The following PHF10 variants were observed in gnomAD, a reference collection of about 807,000 sequenced individuals.
PHF10 encodes BRG1-associated factor 45a.
PHF10 carries 51 observed loss-of-function variants against 68.5 expected under a neutral mutation model. That is an observed-to-expected ratio of 0.74 (90% CI 0.59 to 0.94). The LOEUF is 0.94. Ranked by LOEUF, PHF10 falls within the 40% of genes least tolerant of loss-of-function variation. The pLI is 0.00. For missense variants in PHF10, 460 were observed against 602.6 expected, an observed-to-expected ratio of 0.76 and a Z score of 2.48; for synonymous variants, 204 against 203.5, an observed-to-expected ratio of 1.00 and a Z score of -0.02.
chr6:169,712,437 A>G lies in PHF10; in HGVS notation c.906T>C (p.Asp302=). Residue 302 remains aspartate (D), a synonymous_variant, in exon 8 of 12, where the codon GAT becomes GAC. Coordinates refer to ENST00000339209, the MANE Select transcript of PHF10 (RefSeq NM_018288.4). ...LPALDSDGDS[D]DGEDGRGDEK... ...CATCACCTCGACCATCTTCGCCATCATCTGAATCACCATCACTGTCTAGAG... is the reference window on the plus strand; with the variant it reads ...CATCACCTCGACCATCTTCGCCATCGTCTGAATCACCATCACTGTCTAGAG... The G allele has an allele frequency of 6.2e-7, 1 of 1,614,052 alleles. No homozygotes were observed. The highest frequency in any genetic ancestry group is 8.5e-7 in the Non-Finnish European group (1 of 1,179,940).
rs1362658379 is a variant in PHF10, at chr6:169,712,640, CGA to C, written c.804-103_804-102del. 7.8e-4 allele frequency: 765 copies of C among 979,398 alleles called. 6 individuals are homozygous for C. The highest frequency in any genetic ancestry group is 5.8e-5 in the Non-Finnish European group (39 of 677,566). The allele number at this position is 979,398 out of a possible 1,614,324, so 60.7% of individuals were successfully genotyped here. On this transcript the variant is annotated intron_variant, in intron 7 of 11. Coordinates refer to ENST00000339209, the MANE Select transcript of PHF10 (RefSeq NM_018288.4). ...TAGCCTTAAACTTCTTGAGTAACCCCGAAGACTTTTGAAAACTAGAGTACTAA... is the reference window on the plus strand; with the variant it reads ...TAGCCTTAAACTTCTTGAGTAACCCCAGACTTTTGAAAACTAGAGTACTAA...
In PHF10 at chr6:169,710,140, G is replaced by A. The variant is rs976060892; in HGVS notation, c.1113+96C>T. On this transcript the variant is annotated intron_variant, in intron 9 of 11. Transcript: ENST00000339209. ...ATAGAAGAACAGCTAGTGAGGTACA[G>A]CAGGCAGAAGCTCCACAATCGTGAA... 7 of 874,414 alleles carry A rather than the reference G, an allele frequency of 8.0e-6. No individual in the cohort carries two copies. In the African/African-American group the frequency reaches 8.6e-5, roughly 11 times the overall value. 54.2% of individuals were successfully genotyped at this position (874,414 alleles called of 1,614,324 possible).
At chr6:169,717,719 T>G in intron 4 of PHF10, 104 bp downstream of exon 4, 2 of 607,726 alleles carry the variant, frequency 3.3e-6, no homozygotes, top group South Asian at 4.3e-5. Context: ...ATAGTTCAAT[T>G]TATTTTATTA....
At position 169,703,980 on chromosome 6, in the gene PHF10, C is replaced by T. The variant is rs572743188; in HGVS notation, c.*23G>A. 6.6e-6 allele frequency: 10 copies of T among 1,522,986 alleles called. No individual in the cohort carries two copies. In the Admixed American group the frequency reaches 8.0e-5, roughly 12 times the overall value. 94.3% of individuals were successfully genotyped at this position (1,522,986 alleles called of 1,614,324 possible). A position where few individuals can be genotyped will look rare whatever the true frequency, so the allele number is the denominator to read the frequency against. On this transcript the variant is annotated 3_prime_UTR_variant, in exon 12 of 12. Transcript: ENST00000339209. Reference sequence around the variant, plus strand: ...CAAATATTCCACTTAAATGCATATACAGTATTAGAGTCAAAAACTATTTTA... The same window carrying T: ...CAAATATTCCACTTAAATGCATATATAGTATTAGAGTCAAAAACTATTTTA...
At chr6:169,712,619 C>T (rs967581832) in intron 7 of PHF10, 80 bp from the exon 8 acceptor site, 6 of 1,224,974 alleles carry the variant, frequency 4.9e-6, no homozygotes, top group Non-Finnish European at 6.8e-6. Flanking sequence ...TGAAGATAGC[C>T]TTAAACTTCT....
intron 9 of PHF10, chr6:169,708,820 G>C (rs1226992990): frequency 6.6e-6 from 1 of 152,164 alleles, no homozygotes; most frequent in Non-Finnish European, 1.5e-5. Flanking sequence ...AGGACACTGT[G>C]CTTTGAGCGG....
intron 9 of PHF10, among the ~76,000 whole-genome samples, chr6:169,706,595 G>C (rs183772112): frequency 6.6e-6 from 1 of 152,078 alleles, no homozygotes; most frequent in Admixed American, 6.5e-5. Context: ...GAGGGCATCC[G>C]AACGTCACGG....
At chr6:169,713,456 T>C (rs1788971771) in intron 7 of PHF10, among the ~76,000 whole-genome samples, 1 of 151,890 alleles carries the variant, frequency 6.6e-6, no homozygotes, top group African/African-American at 2.4e-5. Context: ...GAAAATTAGC[T>C]GGGCAAGGTG....
At chr6:169,723,152 T>A (rs1265060176) in intron 1 of PHF10, among the ~76,000 whole-genome samples, 1 of 152,210 alleles carries the variant, frequency 6.6e-6, no homozygotes, top group African/African-American at 2.4e-5. Flanking sequence ...CACCGCCTTC[T>A]AATTTCAATC....
At chr6:169,723,688 G>A (rs1312632139) in intron 1 of PHF10, among the ~76,000 whole-genome samples, 157 bp downstream of exon 1, 1 of 151,504 alleles carries the variant, frequency 6.6e-6, no homozygotes, top group East Asian at 2.0e-4. Context: ...CTCACCTCGG[G>A]GCCCCGCCTC....
At chr6:169,711,906 T>G (rs1360374679) in intron 8 of PHF10, among the ~76,000 whole-genome samples, 1 of 152,136 alleles carries the variant, frequency 6.6e-6, no homozygotes, top group Non-Finnish European at 1.5e-5. Context: ...ATACACCAAC[T>G]GCCCACTGTC....
chr6:169,717,231 A>G (rs1390924576), intron 4 of PHF10, among the ~76,000 whole-genome samples: 2 of 152,208 alleles, frequency 1.3e-5, no homozygotes, highest in African/African-American at 4.8e-5. Context: ...CCTGGACAAC[A>G]GAGAGAGACT....
rs566759957 is a variant in PHF10 at position 169,705,757 on chromosome 6, C to T, written c.1114-33G>A. ...GGTAGAAGAGGGCTATAAATTCATG[C>T]CAGAAGAGCTTACTATGGGTTTAAA... On this transcript the variant is annotated intron_variant, in intron 9 of 11. Coordinates refer to ENST00000339209, the MANE Select transcript of PHF10 (RefSeq NM_018288.4). The T allele has an allele frequency of 3.9e-6, 4 of 1,013,338 alleles. No homozygotes were observed. The East Asian group carries it at 9.5e-5, about 24-fold the overall frequency. 62.8% of individuals were successfully genotyped at this position (1,013,338 alleles called of 1,614,324 possible).
Position 169,723,983 on chromosome 6 carries a change from GGCCGCCGCCGCCGCTGCCGCC to G in PHF10, c.-73_-53del, listed in dbSNP as rs1355230315. Reference sequence around the variant, plus strand: ...GCCGCCGTCGCCTCCGCCTTGTCCCGGCCGCCGCCGCCGCTGCCGCCGCCGCCGCCGCCGCCGCCGCGCGGG... The same window carrying G: ...GCCGCCGTCGCCTCCGCCTTGTCCCGGCCGCCGCCGCCGCCGCCGCGCGGG... On this transcript the variant is annotated 5_prime_UTR_variant, in exon 1 of 12. Coordinates refer to ENST00000339209, the MANE Select transcript of PHF10 (RefSeq NM_018288.4). The G allele has an allele frequency of 2.0e-4, 102 of 507,296 alleles. No homozygotes were observed. Among genetic ancestry groups the G allele is most frequent in the Admixed American group, 6.1e-4 (9 of 14,658 alleles). 31.4% of individuals were successfully genotyped at this position (507,296 alleles called of 1,614,324 possible).
At chr6:169,715,303 GTAT>G (rs1269092362) in intron 6 of PHF10, among the ~76,000 whole-genome samples, 1 of 152,164 alleles carries the variant, frequency 6.6e-6, no homozygotes, top group East Asian at 1.9e-4. Flanking sequence ...TGTAAATTGA[GTAT>G]TATTAAGCAC....
rs1789276541 is a variant in PHF10 at position 169,724,412 on chromosome 6, C to T, written c.-481G>A. 6.9e-6 allele frequency among the ~76,000 whole-genome samples: 1 copy of T among 144,090 alleles called. No homozygotes were observed. Among genetic ancestry groups the T allele is most frequent in the African/African-American group, 2.5e-5 (1 of 40,056 alleles). The allele number at this position is 144,090 out of a possible 152,430, so 94.5% of individuals were successfully genotyped here. A position where few individuals can be genotyped will look rare whatever the true frequency, so the allele number is the denominator to read the frequency against. On this transcript the variant is annotated 5_prime_UTR_variant, in exon 1 of 12. Transcript: ENST00000339209. The stretch of plus-strand genomic sequence containing the variant: ...AGCCCCGCCGCTCGCCTCAGCCCCG[C>T]CGCTCGCCTCAGCCCCGCCGCTCCC...
chr6:169,720,152 A>G (rs185345823), intron 2 of PHF10, among the ~76,000 whole-genome samples: 1 of 152,312 alleles, frequency 6.6e-6, no homozygotes, highest in Non-Finnish European at 1.5e-5. Flanking sequence ...TATTTTAAAA[A>G]ATGAAAAATA....
chr6:169,722,296 G>A (rs1789198980), intron 1 of PHF10, among the ~76,000 whole-genome samples: 1 of 152,074 alleles, frequency 6.6e-6, no homozygotes, highest in African/African-American at 2.4e-5. Context: ...AAAGAGCTTT[G>A]CATAGTCTAA....
intron 1 of PHF10, 136 bp downstream of exon 1, chr6:169,723,709 C>G: frequency 3.9e-6 from 1 of 255,020 alleles, no homozygotes; most frequent in African/African-American, 2.3e-5. Flanking sequence ...GCCGACCACC[C>G]CCGGTCTCAG....
Sources: gnomAD v4.1 joint callset for allele counts (sites outside exome capture counted in the v4.1 genomes callset) on GRCh38, gnomAD v4.1.1 for gene constraint, MANE v1.5 for transcripts, NCBI Gene and HGNC (gene_info 2026-07-23, HGNC 2026-07-21) for gene names.